Variants in LHFPL3 observed in about 807,000 individuals in gnomAD.
LHFPL3 encodes LHFPL tetraspan subfamily member 3.
LHFPL3 carries 5 observed loss-of-function variants against 19.3 expected under a neutral mutation model. The observed-to-expected ratio is 0.26, with a 90% CI of 0.14 to 0.54. The LOEUF is 0.54. LHFPL3 is among the 20% of genes least tolerant of loss of function. The pLI is 0.94. For synonymous variants in LHFPL3, 133 were observed against 126.2 expected (o/e 1.05, Z -0.36); for missense variants, 249 against 307.4 (o/e 0.81, Z 1.42).
rs17133306 is a variant in LHFPL3, at chr7:104,374,565, T to C, written c.445+45341T>C. Among the ~76,000 whole-genome samples, 409 of 152,244 alleles carry C rather than the reference T, an allele frequency of 2.7e-3. 1 individual carries two copies. Among genetic ancestry groups the C allele is most frequent in the African/African-American group, 9.6e-3 (399 of 41,528 alleles). On this transcript the variant is annotated intron_variant, in intron 1 of 2. Coordinates refer to ENST00000424859, the MANE Select transcript of LHFPL3 (RefSeq NM_199000.3). ...TCTATATATGTATATTAAAGTTTCC[T>C]TGTAGGCTAGAAATGGAGCACGGGT...
At chr7:104,643,590 C>T (rs879316739) in intron 1 of LHFPL3, among the ~76,000 whole-genome samples, 6 of 152,090 alleles carry the variant, frequency 3.9e-5, no homozygotes, top group Non-Finnish European at 7.4e-5. Flanking sequence ...AGAGGGCTTG[C>T]GGTCAGTAGA....
chr7:104,805,976 C>T (rs775699919), intron 2 of LHFPL3, among the ~76,000 whole-genome samples: 12 of 152,170 alleles, frequency 7.9e-5, no homozygotes, highest in Non-Finnish European at 1.5e-4. Context: ...AACCATGATA[C>T]GTTTCATGAT....
intron 2 of LHFPL3, among the ~76,000 whole-genome samples, chr7:104,808,401 A>G (rs1446374753): frequency 2.6e-5 from 4 of 152,184 alleles, no homozygotes; most frequent in African/African-American, 4.8e-5. Flanking sequence ...TCATTCAGCT[A>G]GAAACTGTCA....
chr7:104,905,224 G>A (rs898069063), intron 2 of LHFPL3, among the ~76,000 whole-genome samples: 6 of 151,968 alleles, frequency 3.9e-5, no homozygotes, highest in African/African-American at 1.5e-4. Context: ...CCAAAATGCT[G>A]GGATTACAAG....
At chr7:104,383,822 T>A (rs537302655) in intron 1 of LHFPL3, among the ~76,000 whole-genome samples, 2 of 152,356 alleles carry the variant, frequency 1.3e-5, no homozygotes, top group South Asian at 4.1e-4. Flanking sequence ...GTCTTATGAA[T>A]TCTCATTAAA....
intron 2 of LHFPL3, among the ~76,000 whole-genome samples, chr7:104,875,028 T>G (rs972325461): frequency 2.6e-5 from 4 of 151,712 alleles, no homozygotes; most frequent in East Asian, 3.9e-4. Flanking sequence ...TTTTTTTTTT[T>G]AGAGAGATGG....
intron 2 of LHFPL3, among the ~76,000 whole-genome samples, chr7:104,761,025 G>A (rs908138039): frequency 6.6e-6 from 1 of 151,916 alleles, no homozygotes; most frequent in African/African-American, 2.4e-5. Context: ...ACAGGAGCAG[G>A]TCAAACTGAT....
intron 1 of LHFPL3, among the ~76,000 whole-genome samples, chr7:104,688,949 G>A (rs1792854833): frequency 6.6e-6 from 1 of 152,172 alleles, no homozygotes; most frequent in South Asian, 2.1e-4. Flanking sequence ...CCACTAAGCA[G>A]GGATCCTGCA....
intron 2 of LHFPL3, among the ~76,000 whole-genome samples, chr7:104,812,899 G>A (rs1439714827): frequency 2.0e-5 from 3 of 150,530 alleles, no homozygotes; most frequent in Admixed American, 6.7e-5. Flanking sequence ...AGGTCACAAG[G>A]TAAGGAGTTC....
chr7:104,565,936 T>G (rs1011623830), intron 1 of LHFPL3, among the ~76,000 whole-genome samples: 2 of 152,072 alleles, frequency 1.3e-5, no homozygotes, highest in African/African-American at 4.8e-5. Flanking sequence ...ACAAGCATAA[T>G]GCACTGTTAA....
chr7:104,674,149 TAATTTCA>T (rs1194727598), intron 1 of LHFPL3, among the ~76,000 whole-genome samples: 2 of 151,524 alleles, frequency 1.3e-5, no homozygotes, highest in Non-Finnish European at 1.5e-5. Flanking sequence ...ATGTTCTTCA[TAATTTCA>T]GTACAAGCCA....
intron 1 of LHFPL3, among the ~76,000 whole-genome samples, chr7:104,645,557 A>G (rs962811157): frequency 2.0e-5 from 3 of 152,038 alleles, no homozygotes; most frequent in African/African-American, 7.2e-5. Context: ...TGTGAAGGAA[A>G]TCATGTATAA....
chr7:104,779,636 A>C (rs1794687687), intron 2 of LHFPL3, among the ~76,000 whole-genome samples: 1 of 152,140 alleles, frequency 6.6e-6, no homozygotes. Flanking sequence ...ACCTCTGCAC[A>C]AGGTTGTGGG....
At chr7:104,492,838 T>G (rs1230526352) in intron 1 of LHFPL3, among the ~76,000 whole-genome samples, 1 of 152,184 alleles carries the variant, frequency 6.6e-6, no homozygotes, top group Non-Finnish European at 1.5e-5. Context: ...TTCTTTCTGT[T>G]GCATCTTTGA....
At chr7:104,824,882 A>C (rs1211796651) in intron 2 of LHFPL3, among the ~76,000 whole-genome samples, 1 of 135,086 alleles carries the variant, frequency 7.4e-6, no homozygotes, top group East Asian at 2.0e-4. Context: ...ATAATTATAT[A>C]TATTATATAA....
At chr7:104,625,662 C>T (rs1239081320) in intron 1 of LHFPL3, among the ~76,000 whole-genome samples, 1 of 152,118 alleles carries the variant, frequency 6.6e-6, no homozygotes, top group Non-Finnish European at 1.5e-5. Flanking sequence ...ATTTGTGAAG[C>T]AAACACCAGC....
chr7:104,601,555 G>C (rs1455120983), intron 1 of LHFPL3, among the ~76,000 whole-genome samples: 1 of 152,134 alleles, frequency 6.6e-6, no homozygotes, highest in East Asian at 1.9e-4. Flanking sequence ...TAGATAGGGT[G>C]GTCAGGGAAG....
chr7:104,557,162 T>C (rs1001909251), intron 1 of LHFPL3, among the ~76,000 whole-genome samples: 5 of 152,220 alleles, frequency 3.3e-5, no homozygotes, highest in African/African-American at 1.2e-4. Context: ...TTGTTCCCAG[T>C]TCCAAAGTCG....
chr7:104,521,793 C>T (rs1005324090), intron 1 of LHFPL3, among the ~76,000 whole-genome samples: 40 of 152,112 alleles, frequency 2.6e-4, no homozygotes, highest in Admixed American at 1.4e-3. Flanking sequence ...AAAATGCTCA[C>T]CATCACTGGC....
Sources: gnomAD v4.1 joint callset for allele counts (sites outside exome capture counted in the v4.1 genomes callset) on GRCh38, gnomAD v4.1.1 for gene constraint, MANE v1.5 for transcripts, NCBI Gene and HGNC (gene_info 2026-07-23, HGNC 2026-07-21) for gene names.